The following SPAM1 variants were observed in gnomAD, a reference collection of about 807,000 sequenced individuals.
The protein encoded by SPAM1 is sperm adhesion molecule 1, also known as hyaluronidase PH-20.
SPAM1 carries 22 observed loss-of-function variants against 29.6 expected under a neutral mutation model. The observed-to-expected ratio is 0.74, with a 90% CI of 0.53 to 1.06. The LOEUF (loss-of-function observed/expected upper bound fraction) is 1.06. Ranked by LOEUF, SPAM1 falls within the 50% of genes least tolerant of loss-of-function variation. The pLI is 0.00. For synonymous variants in SPAM1, 194 were observed against 204.6 expected (o/e 0.95, Z 0.44); for missense variants, 534 against 604.0 (o/e 0.88, Z 1.21).
At chr7:123,967,679 A>C (rs1044792456) in intron 5 of SPAM1, among the ~76,000 whole-genome samples, 3 of 151,638 alleles carry the variant, frequency 2.0e-5, no homozygotes, top group African/African-American at 7.3e-5. Context: ...GACTGCTAAA[A>C]TGCAAGAAGG....
intron 1 of SPAM1, among the ~76,000 whole-genome samples, chr7:123,936,259 G>T (rs1279185394): frequency 1.3e-5 from 2 of 152,196 alleles, no homozygotes; most frequent in Non-Finnish European, 2.9e-5. Flanking sequence ...ATCTCTTCAA[G>T]GATTCCTGGG....
chr7:123,938,342 C>A (rs770806930), intron 1 of SPAM1, among the ~76,000 whole-genome samples: 13 of 152,140 alleles, frequency 8.5e-5, no homozygotes, highest in Non-Finnish European at 1.5e-4. Context: ...CCACTTACCA[C>A]TCTGATAAGA....
chr7:123,962,916 G>A (rs768747972), downstream of SPAM1, among the ~76,000 whole-genome samples: 20 of 151,702 alleles, frequency 1.3e-4, no homozygotes, highest in South Asian at 4.1e-4. Flanking sequence ...TTTCCATATA[G>A]CAATATATTT....
chr7:123,926,849 T>G (rs1485185597), intron 1 of SPAM1, among the ~76,000 whole-genome samples: 1 of 152,150 alleles, frequency 6.6e-6, no homozygotes, highest in Non-Finnish European at 1.5e-5. Flanking sequence ...AGGAAGCTCT[T>G]AGATAGGAGA....
intron 2 of SPAM1, 139 bp from the exon 3 acceptor site, chr7:123,953,226 T>A (rs923696139): frequency 9.9e-6 from 2 of 201,158 alleles, no homozygotes; most frequent in African/African-American, 4.6e-5. Context: ...AATAATTTCA[T>A]AGATTCAAAC....
intron 1 of SPAM1, among the ~76,000 whole-genome samples, chr7:123,932,778 C>T (rs1039563778): frequency 2.6e-5 from 4 of 152,084 alleles, no homozygotes; most frequent in Non-Finnish European, 5.9e-5. Context: ...TTCATTTGAC[C>T]AGATGCTACA....
chr7:123,946,795 A>G (rs1808587655), intron 1 of SPAM1, among the ~76,000 whole-genome samples: 1 of 152,120 alleles, frequency 6.6e-6, no homozygotes, highest in Non-Finnish European at 1.5e-5. Context: ...TATATAAACA[A>G]TAAGGTAGAG....
chr7:123,955,540 T>A (rs968134839), intron 4 of SPAM1, among the ~76,000 whole-genome samples: 1 of 151,984 alleles, frequency 6.6e-6, no homozygotes, highest in African/African-American at 2.4e-5. Flanking sequence ...GTTGTGGAAA[T>A]ACCAATGATG....
intron 2 of SPAM1, among the ~76,000 whole-genome samples, chr7:123,951,249 G>C (rs1808754609): frequency 6.6e-6 from 1 of 152,040 alleles, no homozygotes; most frequent in African/African-American, 2.4e-5. Flanking sequence ...CTGTGCAGAT[G>C]CTTTTTAGTT....
At chr7:123,934,163 CAATGATGA>C (rs1808179105) in intron 1 of SPAM1, among the ~76,000 whole-genome samples, 1 of 152,078 alleles carries the variant, frequency 6.6e-6, no homozygotes, top group Non-Finnish European at 1.5e-5. Flanking sequence ...GATGTTCCCA[CAATGATGA>C]AATAACCTAC....
At chr7:123,957,650 C>G (rs978561613) in intron 4 of SPAM1, among the ~76,000 whole-genome samples, 1 of 151,916 alleles carries the variant, frequency 6.6e-6, no homozygotes, top group Admixed American at 6.6e-5. Flanking sequence ...CAGAAGAAGT[C>G]CAATATGGGT....
At chr7:123,967,433 T>G (rs1388470830) in intron 5 of SPAM1, among the ~76,000 whole-genome samples, 1 of 152,046 alleles carries the variant, frequency 6.6e-6, no homozygotes, top group Non-Finnish European at 1.5e-5. Flanking sequence ...GTAAATTAAT[T>G]TTGTGGTTAT....
chr7:123,964,304 A>G (rs930106376), downstream of SPAM1, among the ~76,000 whole-genome samples: 2 of 151,862 alleles, frequency 1.3e-5, no homozygotes, highest in Non-Finnish European at 2.9e-5. Flanking sequence ...AATCATTTCA[A>G]TACAGGATAT....
chr7:123,944,173 C>T (rs1312380282), intron 1 of SPAM1, among the ~76,000 whole-genome samples: 1 of 152,038 alleles, frequency 6.6e-6, no homozygotes, highest in Non-Finnish European at 1.5e-5. Context: ...GTCCCTGGGC[C>T]TTGAATTGAA....
chr7:123,934,628 GTATA>G (rs35521629), intron 1 of SPAM1, among the ~76,000 whole-genome samples: 16,105 of 152,118 alleles, frequency 0.11, 969 homozygotes, highest in Non-Finnish European at 0.14. Flanking sequence ...AGAAAATATG[GTATA>G]TAAACCTAAT....
chr7:123,950,727 A>G (rs1388646569), intron 2 of SPAM1, among the ~76,000 whole-genome samples: 2 of 152,098 alleles, frequency 1.3e-5, no homozygotes, highest in Admixed American at 1.3e-4. Context: ...TGAAGATTTG[A>G]GTGAAGCTGT....
rs1237090448 is a variant in SPAM1, at chr7:123,954,343, C to T, written c.773C>T (p.Ala258Val). 1 of 1,613,472 alleles carries T rather than the reference C, an allele frequency of 6.2e-7. No individual in the cohort carries two copies. Among genetic ancestry groups the T allele is most frequent in the Admixed American group, 1.7e-5 (1 of 59,898 alleles). ...DLSWLWNEST[A>V]LYPSIYLNTQ... ...AGCTGGTTGTGGAATGAAAGCACTGCTCTTTACCCATCCATTTATTTGAAC... is the reference window on the plus strand; with the variant it reads ...AGCTGGTTGTGGAATGAAAGCACTGTTCTTTACCCATCCATTTATTTGAAC... Residue 258 changes from alanine to valine, a missense_variant, in exon 3 of 5, where the codon GCT becomes GTT. Physicochemically the swap from Ala to Val is moderately conservative, Grantham distance 64. Coordinates refer to ENST00000682466, the MANE Select transcript of SPAM1 (RefSeq NM_153189.3).
At chr7:123,926,337 A>T in intron 1 of SPAM1, among the ~76,000 whole-genome samples, 1 of 152,298 alleles carries the variant, frequency 6.6e-6, no homozygotes, top group Non-Finnish European at 1.5e-5. Flanking sequence ...AAAGGCACGG[A>T]CCACAGACTG....
Position 123,945,060 on chromosome 7 carries a change from C to T in SPAM1, c.-318-4812C>T, listed in dbSNP as rs544996760. Among the ~76,000 whole-genome samples the T allele has an allele frequency of 4.9e-4, 74 of 152,032 alleles. 2 individuals carry two copies. The South Asian group carries it at 0.015, about 31-fold the overall frequency. ...AGACATTGGGCATGGTTGTCCTGAA[C>T]ATCCCTCTTTCTTTAACAACCAGTC... On this transcript the variant is annotated intron_variant, in intron 1 of 4. Coordinates refer to ENST00000682466, the MANE Select transcript of SPAM1 (RefSeq NM_153189.3).
Sources: gnomAD v4.1 joint callset for allele counts (sites outside exome capture counted in the v4.1 genomes callset) on GRCh38, gnomAD v4.1.1 for gene constraint, MANE v1.5 for transcripts, NCBI Gene and HGNC (gene_info 2026-07-23, HGNC 2026-07-21) for gene names.